PRKAR2A: variants seen among roughly 807,000 people sequenced by gnomAD.
The protein encoded by PRKAR2A is protein kinase cAMP-dependent type II regulatory subunit alpha.
PRKAR2A carries 29 observed loss-of-function variants against 51.9 expected under a neutral mutation model. That is an observed-to-expected ratio of 0.56 (90% confidence interval 0.42 to 0.76). The LOEUF (loss-of-function observed/expected upper bound fraction) is 0.76, where lower values mean the gene tolerates loss of function less well. Among genes scored for constraint, PRKAR2A ranks in the 30% least tolerant of loss-of-function variants. PRKAR2A has a pLI of 0.00. For synonymous variants in PRKAR2A, 178 were observed against 186.2 expected (o/e 0.96, Z 0.36); for missense variants, 445 against 512.1 (o/e 0.87, Z 1.26).
chr3:48,769,971 T>G (rs2082005942), intron 6 of PRKAR2A, among the ~76,000 whole-genome samples: 2 of 152,184 alleles, frequency 1.3e-5, no homozygotes, highest in Admixed American at 6.5e-5. Flanking sequence ...AGACAGGGTT[T>G]CACCACGTTG....
intron 4 of PRKAR2A, among the ~76,000 whole-genome samples, chr3:48,785,568 T>A (rs2082278220): frequency 6.6e-6 from 1 of 151,684 alleles, no homozygotes; most frequent in South Asian, 2.1e-4. Context: ...CCTTAATTTT[T>A]ATATTTTTAG....
chr3:48,815,206 A>G (rs9682444), intron 1 of PRKAR2A, among the ~76,000 whole-genome samples: 102,678 of 151,938 alleles, frequency 0.68, 35,248 homozygotes, highest in East Asian at 0.96. Context: ...TAGCCACTGC[A>G]CCCAGCCTTC....
In PRKAR2A at chr3:48,773,073, T is replaced by G. The variant is rs1414859821; in HGVS notation, c.578A>C (p.Gln193Pro). ...TYDILVTKDNQTRSVGQYDNR... is the reference protein window; with the variant it reads ...TYDILVTKDNPTRSVGQYDNR... ...GTCATATTGACCAACAGAGCGGGTTTGATTATCTTTTGTTACTAAAATGTC... is the reference window on the plus strand; with the variant it reads ...GTCATATTGACCAACAGAGCGGGTTGGATTATCTTTTGTTACTAAAATGTC... The change falls in exon 6 of 11, where the codon CAA becomes CCA. Residue 193 changes from glutamine (Q) to proline (P), a missense_variant. Transcript: ENST00000265563. 1 of 1,611,256 alleles carries G rather than the reference T, an allele frequency of 6.2e-7. No individual in the cohort carries two copies. Among genetic ancestry groups the G allele is most frequent in the African/African-American group, 1.3e-5 (1 of 74,936 alleles).
At chr3:48,806,817 G>T (rs1016614771) in intron 2 of PRKAR2A, among the ~76,000 whole-genome samples, 1 of 151,888 alleles carries the variant, frequency 6.6e-6, no homozygotes, top group Non-Finnish European at 1.5e-5. Context: ...TGTTGCCCAG[G>T]CTGGAGTGCA....
intron 1 of PRKAR2A, among the ~76,000 whole-genome samples, chr3:48,833,873 T>G (rs1472334501): frequency 2.0e-5 from 3 of 150,926 alleles, no homozygotes; most frequent in African/African-American, 7.3e-5. Context: ...CCTTCTCTAC[T>G]AAAAAATACA....
intron 2 of PRKAR2A, among the ~76,000 whole-genome samples, chr3:48,805,202 G>A (rs1171911993): frequency 6.6e-6 from 1 of 152,056 alleles, no homozygotes; most frequent in African/African-American, 2.4e-5. Flanking sequence ...TGTGAGCCAC[G>A]ATGGCCAGCC....
intron 1 of PRKAR2A, among the ~76,000 whole-genome samples, chr3:48,824,482 T>A (rs1238909198): frequency 1.3e-5 from 2 of 150,666 alleles, no homozygotes; most frequent in South Asian, 2.1e-4. Flanking sequence ...ATCATTCATA[T>A]CCCAAACCTC....
chr3:48,847,200 T>C lies in PRKAR2A; in HGVS notation c.262+135A>G, dbSNP rs1463517701. 1.0e-5 allele frequency: 12 copies of C among 1,163,048 alleles called. No individual in the cohort carries two copies. Among genetic ancestry groups the C allele is most frequent in the Non-Finnish European group, 1.4e-5 (12 of 845,622 alleles). The allele number at this position is 1,163,048 out of a possible 1,614,324, so 72.0% of individuals were successfully genotyped here. A position where few individuals can be genotyped will look rare whatever the true frequency, so the allele number is the denominator to read the frequency against. ...TCACGCCGGTGTCTCAGGGAAACGC[T>C]AGAAACGCGGCTACAGAGCTCCCAA... On this transcript the variant is annotated intron_variant, in intron 1 of 10. Coordinates refer to ENST00000265563, the MANE Select transcript of PRKAR2A (RefSeq NM_004157.4). This position sits in a 1 kb window ranked among gnomAD's most constrained non-coding sequence, Gnocchi z 4.4.
intron 4 of PRKAR2A, among the ~76,000 whole-genome samples, chr3:48,787,713 T>A (rs1449350959): frequency 3.3e-5 from 5 of 152,184 alleles, no homozygotes; most frequent in Non-Finnish European, 5.9e-5. Context: ...GAGCTCATGG[T>A]CCTTGTCTCA....
chr3:48,784,403 C>T (rs904175913), intron 4 of PRKAR2A, among the ~76,000 whole-genome samples: 4 of 152,122 alleles, frequency 2.6e-5, no homozygotes, highest in African/African-American at 9.7e-5. Context: ...TATAAGCTAA[C>T]AAATACTAAA....
chr3:48,833,845 G>A (rs1575950501), intron 1 of PRKAR2A, among the ~76,000 whole-genome samples: 2 of 151,936 alleles, frequency 1.3e-5, no homozygotes. Context: ...AGACCACCCT[G>A]GCCAACATGG....
At chr3:48,779,199 A>G (rs903710887) in intron 5 of PRKAR2A, among the ~76,000 whole-genome samples, 1 of 151,938 alleles carries the variant, frequency 6.6e-6, no homozygotes, top group Admixed American at 6.6e-5. Context: ...GGCTCAGACA[A>G]TCCTCCCACC....
Position 48,817,798 on chromosome 3 carries a change from A to G in PRKAR2A, c.263-10114T>C, listed in dbSNP as rs548792027. ...ACAATGGAGACATCTTAACCAAGCA[A>G]AAAAAGATTTGGTATGCTCTTTACA... is the stretch of plus-strand genomic sequence containing the variant. On this transcript the variant is annotated intron_variant, in intron 1 of 10. Transcript: ENST00000265563. 1.6e-4 allele frequency among the ~76,000 whole-genome samples: 25 copies of G among 152,128 alleles called. 1 individual carries two copies. The South Asian group carries it at 5.2e-3, about 32-fold the overall frequency.
intron 2 of PRKAR2A, among the ~76,000 whole-genome samples, chr3:48,805,486 G>C (rs2082665102): frequency 6.6e-6 from 1 of 152,176 alleles, no homozygotes; most frequent in African/African-American, 2.4e-5. Context: ...GAATCTTAGA[G>C]ATAGCAAGGG....
chr3:48,791,852 A>G (rs1480869855), intron 3 of PRKAR2A, among the ~76,000 whole-genome samples: 2 of 141,182 alleles, frequency 1.4e-5, no homozygotes, highest in African/African-American at 5.1e-5. Flanking sequence ...GTGGTGAGCC[A>G]AGATCAGGCC....
intron 5 of PRKAR2A, 86 bp from the exon 6 acceptor site, chr3:48,773,194 G>T: frequency 8.9e-7 from 1 of 1,127,724 alleles, no homozygotes; most frequent in Non-Finnish European, 1.2e-6. Flanking sequence ...AGAAAATGTT[G>T]TTTTAAGAGA....
intron 1 of PRKAR2A, among the ~76,000 whole-genome samples, chr3:48,829,871 A>ATATATTTT (rs1297832658): frequency 1.3e-4 from 11 of 87,726 alleles, no homozygotes; most frequent in African/African-American, 5.4e-4. Flanking sequence ...ATATATATAT[A>ATATATTTT]TTTTTTTTTT....
chr3:48,766,912 A>G (rs1575849222), intron 6 of PRKAR2A, among the ~76,000 whole-genome samples: 1 of 152,284 alleles, frequency 6.6e-6, no homozygotes, highest in East Asian at 1.9e-4. Flanking sequence ...TCCTGGGGTC[A>G]AGTGATCTCC....
chr3:48,761,792 C>G (rs1005182200), intron 8 of PRKAR2A, among the ~76,000 whole-genome samples: 14 of 151,980 alleles, frequency 9.2e-5, no homozygotes, highest in African/African-American at 3.4e-4. Context: ...TTTTTTATTA[C>G]TTTTTAGTAG....
Sources: gnomAD v4.1 joint callset for allele counts (sites outside exome capture counted in the v4.1 genomes callset) on GRCh38, gnomAD v4.1.1 for gene constraint, Gnocchi (gnomAD v3.1) non-coding constraint, MANE v1.5 for transcripts, NCBI Gene and HGNC (gene_info 2026-07-23, HGNC 2026-07-21) for gene names.